Variants in GSK3A observed in about 807,000 individuals in gnomAD.
GSK3A encodes glycogen synthase kinase 3 alpha.
GSK3A carries 14 observed loss-of-function variants against 56.6 expected under a neutral mutation model. The ratio of observed to expected loss-of-function variants is 0.25; its 90% CI spans 0.16 to 0.39. GSK3A has a LOEUF of 0.39. Ranked by LOEUF, GSK3A falls within the 10% of genes least tolerant of loss-of-function variation. GSK3A has a pLI of 1.00. For synonymous variants in GSK3A, 301 were observed against 285.0 expected (o/e 1.06, Z -0.56); for missense variants, 450 against 656.0 (o/e 0.69, Z 3.43).
chr19:42,234,774 C>G lies in GSK3A; in HGVS notation c.667-96G>C. The G allele has an allele frequency of 7.9e-7, 1 of 1,258,410 alleles. No individual in the cohort carries two copies. The highest frequency in any genetic ancestry group is 1.1e-6 in the Non-Finnish European group (1 of 934,348). 78.0% of individuals were successfully genotyped at this position (1,258,410 alleles called of 1,614,324 possible). A position where few individuals can be genotyped will look rare whatever the true frequency, so the allele number is the denominator to read the frequency against. ...GGCCTGAAGAGCCCTTCCAGGCCCA[C>G]TCTCCCTGCTGCCCCCACAGCTTTG... On this transcript the variant is annotated intron_variant, in intron 4 of 10. Coordinates refer to ENST00000222330, the MANE Select transcript of GSK3A (RefSeq NM_019884.3). This position sits in a 1 kb window ranked among gnomAD's most constrained non-coding sequence, Gnocchi z 5.7.
At position 42,230,814 on chromosome 19, in the gene GSK3A, T is replaced by C. The variant is rs1347260842; in HGVS notation, c.1432A>G (p.Thr478Ala). Residue 478 changes from threonine to alanine, a missense_variant, in exon 11 of 11, where the codon ACC becomes GCC. Thr to Ala is a moderately conservative substitution (Grantham distance 58). Around this residue, in one of 3 missense-constraint regions of GSK3A, gnomAD observed 113 missense variants for 147.5 expected, o/e 0.77. Coordinates refer to ENST00000222330, the MANE Select transcript of GSK3A (RefSeq NM_019884.3). ...GGCCCTCAGGAGGAGTTAGTGAGGG[T>C]AGGTGTGGCATCGGTCGACTGCCAG... ...SDWQSTDATP[T>A]LTNSS The C allele has an allele frequency of 1.3e-6, 2 of 1,561,624 alleles. No homozygotes were observed. The highest frequency in any genetic ancestry group is 2.4e-5 in the East Asian group (1 of 41,708).
In GSK3A at chr19:42,234,510, C is replaced by T. The variant is rs745584114; in HGVS notation, c.797+38G>A. 3.7e-6 allele frequency: 6 copies of T among 1,612,584 alleles called. No homozygotes were observed. The South Asian group carries it at 4.4e-5, about 12-fold the overall frequency. ...CACGTGAGGCAAGGGTTGGGGTCCC[C>T]CCTGCCTCTTCAGCCACCCAACATG... On this transcript the variant is annotated intron_variant, in intron 5 of 10. Coordinates refer to ENST00000222330, the MANE Select transcript of GSK3A (RefSeq NM_019884.3). This position sits in a 1 kb window ranked among gnomAD's most constrained non-coding sequence, Gnocchi z 5.7.
In GSK3A at chr19:42,242,423, C is replaced by A; in HGVS notation, c.43G>T (p.Gly15Cys). The A allele has an allele frequency of 7.4e-7, 1 of 1,347,768 alleles. No homozygotes were observed. 83.5% of individuals were successfully genotyped at this position (1,347,768 alleles called of 1,614,324 possible). Reference sequence around the variant, plus strand: ...GCGAACGAGCTAGTCCGCGCCCTGCCCGAGCCCCCAGGGCCGCCTCCCGAA... The same window carrying A: ...GCGAACGAGCTAGTCCGCGCCCTGCACGAGCCCCCAGGGCCGCCTCCCGAA... Reference protein sequence around the residue: ...GPSGGGPGGSGRARTSSFAEP... With the variant: ...GPSGGGPGGSCRARTSSFAEP... The change falls in exon 1 of 11, where the codon GGC (glycine) becomes TGC (cysteine). Residue 15 changes from glycine to cysteine, a missense_variant. Physicochemically the swap from Gly to Cys is radical, Grantham distance 159 (BLOSUM62 -3). Around this residue, in one of 3 missense-constraint regions of GSK3A, gnomAD observed 193 missense variants for 200.5 expected, o/e 0.96. Transcript: ENST00000222330.
At chr19:42,240,703 T>A (rs2036286334) in intron 1 of GSK3A, 1 of 158,090 alleles carries the variant, frequency 6.3e-6, no homozygotes, top group Admixed American at 6.0e-5. Context: ...TAAGTGCCAG[T>A]GCCCTGACCC....
At position 42,233,100 on chromosome 19, in the gene GSK3A, C is replaced by G; in HGVS notation, c.1098+10G>C. The G allele has an allele frequency of 6.4e-7, 1 of 1,560,722 alleles. No homozygotes were observed. Among genetic ancestry groups the G allele is most frequent in the Non-Finnish European group, 8.7e-7 (1 of 1,147,282 alleles). On this transcript the variant is annotated intron_variant, in intron 8 of 10. Transcript: ENST00000222330. The stretch of plus-strand genomic sequence containing the variant: ...AGCCATACTGCCCTGAGCCCCTAGC[C>G]CTGCCCCACCTTTGTCCAGGGGTGA...
rs1417302831 is a variant in GSK3A at position 42,234,049 on chromosome 19, T to C, written c.904+304A>G. Among the ~76,000 whole-genome samples, 2 of 152,148 alleles carry C rather than the reference T, an allele frequency of 1.3e-5. No homozygotes were observed. The highest frequency in any genetic ancestry group is 2.9e-5 in the Non-Finnish European group (2 of 68,014). ...GTTCCCCCAAGGTCTCCAGCAGCCC[T>C]TCCCCCTAGCTGAGAACAGAGGGCT... On this transcript the variant is annotated intron_variant, in intron 6 of 10. Coordinates refer to ENST00000222330, the MANE Select transcript of GSK3A (RefSeq NM_019884.3). The surrounding 1 kb of genome is among the most constrained non-coding windows in gnomAD (Gnocchi z 5.7).
intron 10 of GSK3A, among the ~76,000 whole-genome samples, chr19:42,231,635 G>C (rs1257862001): frequency 6.6e-6 from 1 of 151,730 alleles, no homozygotes; most frequent in African/African-American, 2.4e-5. Context: ...TTAGCCAGGC[G>C]TAGTGGTGTG....
intron 7 of GSK3A, 29 bp downstream of exon 7, chr19:42,233,257 C>CCCCTG: frequency 1.3e-6 from 2 of 1,501,250 alleles, no homozygotes; most frequent in East Asian, 2.3e-5. Context: ...TCAGCCCCAC[C>CCCCTG]CCCTGCCCAG....
At chr19:42,238,038 C>T (rs1249149282) in intron 2 of GSK3A, among the ~76,000 whole-genome samples, 1 of 151,706 alleles carries the variant, frequency 6.6e-6, no homozygotes, top group Non-Finnish European at 1.5e-5. Flanking sequence ...AGCTACCATA[C>T]CCAGCCTTAA....
intron 10 of GSK3A, 30 bp downstream of exon 10, chr19:42,232,027 T>C (rs747662329): frequency 1.5e-6 from 2 of 1,315,094 alleles, no homozygotes; most frequent in Non-Finnish European, 2.2e-6. Context: ...TGAGAGATAC[T>C]TTAACCCCCA....
intron 2 of GSK3A, among the ~76,000 whole-genome samples, chr19:42,237,496 TA>T (rs1039390514): frequency 1.3e-5 from 2 of 150,800 alleles, no homozygotes; most frequent in East Asian, 2.0e-4. Context: ...CCACCCCACT[TA>T]AAAAAAAATT....
chr19:42,232,126 T>A lies in GSK3A; in HGVS notation c.1309A>T (p.Asn437Tyr), dbSNP rs1236744225. ...AGELSIQPSL[N>Y]AILIPPHLRS... ...AAGTGAGGAGGGATGAGAATGGCGT[T>A]GAGAGACGGTTGGATGGAGAGTTCT... is the stretch of plus-strand genomic sequence containing the variant. The change falls in exon 10 of 11, where the codon AAC becomes TAC. Residue 437 changes from asparagine to tyrosine, a missense_variant. Asn to Tyr is a moderately radical substitution (Grantham distance 143). Around this residue, in one of 3 missense-constraint regions of GSK3A, gnomAD observed 113 missense variants for 147.5 expected, o/e 0.77. Transcript: ENST00000222330. 1.2e-6 allele frequency: 2 copies of A among 1,606,160 alleles called. No homozygotes were observed. Among genetic ancestry groups the A allele is most frequent in the African/African-American group, 2.7e-5 (2 of 74,676 alleles).
intron 2 of GSK3A, among the ~76,000 whole-genome samples, chr19:42,237,607 G>C (rs2036265447): frequency 6.6e-6 from 1 of 151,760 alleles, no homozygotes; most frequent in African/African-American, 2.4e-5. Context: ...GCCAGGCGTG[G>C]TGGCTCACGC....
rs2036300006 is a variant in GSK3A, at chr19:42,242,458, C to A, written c.8G>T (p.Gly3Val). 1 of 1,236,420 alleles carries A rather than the reference C, an allele frequency of 8.1e-7. No homozygotes were observed. The highest frequency in any genetic ancestry group is 1.0e-6 in the Non-Finnish European group (1 of 989,050). The allele number at this position is 1,236,420 out of a possible 1,614,324, so 76.6% of individuals were successfully genotyped here. The part of the protein sequence containing the change: MS[G>V]GGPSGGGPGG... ...AGGGCCGCCTCCCGAAGGCCCGCCG[C>A]CGCTCATGGCGCCGAGCACAGGCCC... The change falls in exon 1 of 11, where the codon GGC becomes GTC. Residue 3 changes from glycine (G) to valine (V), a missense_variant. By Grantham distance (109) the Gly-to-Val change is moderately radical (BLOSUM62 -3). Around this residue, in one of 3 missense-constraint regions of GSK3A, gnomAD observed 193 missense variants for 200.5 expected, o/e 0.96. Transcript: ENST00000222330.
Position 42,240,003 on chromosome 19 carries a change from G to A in GSK3A, c.423C>T (p.Thr141=). The A allele has an allele frequency of 6.2e-7, 1 of 1,614,118 alleles. No individual in the cohort carries two copies. The highest frequency in any genetic ancestry group is 1.1e-5 in the South Asian group (1 of 91,080). ...CCTTCTTGATGGCGACTAGTTCCCT[G>A]GTCTCTGCCAGCCGTGCCTGGTACA... ...GVVYQARLAE[T]RELVAIKKVL... The change falls in exon 2 of 11, where the codon ACC becomes ACT. Residue 141 remains threonine (T), a synonymous_variant. Transcript: ENST00000222330.
In GSK3A at chr19:42,240,128, C is replaced by T. The variant is rs1441919598; in HGVS notation, c.298G>A (p.Val100Met). 2 of 1,614,160 alleles carry T rather than the reference C, an allele frequency of 1.2e-6. No homozygotes were observed. The highest frequency in any genetic ancestry group is 2.2e-5 in the East Asian group (1 of 44,888). The change falls in exon 2 of 11, where the codon GTG becomes ATG. Residue 100 changes from valine (V) to methionine (M), a missense_variant. Around this residue, in one of 3 missense-constraint regions of GSK3A, gnomAD observed 193 missense variants for 200.5 expected, o/e 0.96. Transcript: ENST00000222330. ...CCTAGAGTGGCTACGACTGTGGTCA[C>T]CTTCCCGCTGTCACCTGGGGAACAA... is the stretch of plus-strand genomic sequence containing the variant. Reference protein sequence around the residue: ...GVKLGRDSGKVTTVVATLGQG... With the variant: ...GVKLGRDSGKMTTVVATLGQG...
chr19:42,236,831 C>CCCA (rs781251610), intron 3 of GSK3A, 27 bp downstream of exon 3: 8 of 1,570,696 alleles, frequency 5.1e-6, no homozygotes, highest in Non-Finnish European at 7.0e-6. Flanking sequence ...GCTGGAGCAA[C>CCCA]CCACCACCAC....
At position 42,234,983 on chromosome 19, in the gene GSK3A, C is replaced by T. The variant is rs532327119; in HGVS notation, c.667-305G>A. Among the ~76,000 whole-genome samples the T allele has an allele frequency of 1.9e-4, 29 of 152,186 alleles. No homozygotes were observed. The highest frequency in any genetic ancestry group is 1.7e-3 in the South Asian group (8 of 4,820). ...CTCTACTAAAAATACAAAAATTAGCCGGGCGTGGTGGTGCACACCTGTAAT... is the reference window on the plus strand; with the variant it reads ...CTCTACTAAAAATACAAAAATTAGCTGGGCGTGGTGGTGCACACCTGTAAT... On this transcript the variant is annotated intron_variant, in intron 4 of 10. Transcript: ENST00000222330. The surrounding 1 kb of genome is among the most constrained non-coding windows in gnomAD (Gnocchi z 5.7).
chr19:42,234,354 G>T lies in GSK3A; in HGVS notation c.903C>A (p.Ile301=). 6.2e-7 allele frequency: 1 copy of T among 1,611,418 alleles called. No individual in the cohort carries two copies. Among genetic ancestry groups the T allele is most frequent in the Non-Finnish European group, 8.5e-7 (1 of 1,177,552 alleles). Residue 301 remains isoleucine (I), a splice_region_variant and synonymous_variant, in exon 6 of 11, where the codon ATC becomes ATA. Coordinates refer to ENST00000222330, the MANE Select transcript of GSK3A (RefSeq NM_019884.3). The surrounding 1 kb of genome is among the most constrained non-coding windows in gnomAD (Gnocchi z 5.7). ...IFGATDYTSS[I]DVWSAGCVLA... ...CCGCCACCCTCCCATAACTCTGACC[G>T]ATGGATGAGGTGTAATCAGTGGCTC...
Sources: gnomAD v4.1 joint callset for allele counts (sites outside exome capture counted in the v4.1 genomes callset) on GRCh38, gnomAD v4.1.1 for gene constraint, gnomAD v4.1.1 regional missense constraint, Gnocchi (gnomAD v3.1) non-coding constraint, MANE v1.5 for transcripts, NCBI Gene and HGNC (gene_info 2026-07-23, HGNC 2026-07-21) for gene names.